CIMAP1D: variants seen among roughly 807,000 people sequenced by gnomAD.
CIMAP1D encodes protein CIMAP1D.
chr19:472,539 G>C, the CIMAP1D span: 1 of 1,417,680 alleles, frequency 7.1e-7, no homozygotes, highest in Non-Finnish European at 9.6e-7. Flanking sequence ...CCTGGGCCCA[G>C]ATTCCCCGAA....
chr19:485,478 C>T, the CIMAP1D span, among the ~76,000 whole-genome samples: 3 of 152,206 alleles, frequency 2.0e-5, no homozygotes, highest in Non-Finnish European at 2.9e-5. Flanking sequence ...CAAGTCCCAC[C>T]GTTCTTTTCT....
chr19:488,147 G>A, the CIMAP1D span, among the ~76,000 whole-genome samples: 2 of 151,996 alleles, frequency 1.3e-5, no homozygotes, highest in African/African-American at 2.4e-5. Context: ...GGCCCCGGCC[G>A]AATAAACCGC....
At chr19:475,806 C>G in the CIMAP1D span, among the ~76,000 whole-genome samples, 1 of 149,636 alleles carries the variant, frequency 6.7e-6, no homozygotes, top group Non-Finnish European at 1.5e-5. Flanking sequence ...CAGAGTCTCA[C>G]TCTGTCACCC....
the CIMAP1D span, among the ~76,000 whole-genome samples, chr19:468,469 G>A: frequency 1.3e-5 from 2 of 152,304 alleles, no homozygotes; most frequent in South Asian, 2.1e-4. Flanking sequence ...GGGGCTCGGC[G>A]TTGGACCACG....
the CIMAP1D span, among the ~76,000 whole-genome samples, chr19:474,384 G>C: frequency 6.6e-6 from 1 of 152,244 alleles, no homozygotes; most frequent in Non-Finnish European, 1.5e-5. Flanking sequence ...ACAGCCCCTG[G>C]AAGGGGACCC....
the CIMAP1D span, among the ~76,000 whole-genome samples, chr19:488,991 C>A: frequency 1.2e-4 from 18 of 152,062 alleles, no homozygotes; most frequent in Non-Finnish European, 2.9e-5. Flanking sequence ...CAGCCCGCCA[C>A]GAACTCGGAG....
At chr19:467,070 T>G in the CIMAP1D span, among the ~76,000 whole-genome samples, 9 of 50,872 alleles carry the variant, frequency 1.8e-4, no homozygotes, top group Admixed American at 2.5e-4. Context: ...GGTGGGTGGG[T>G]GGGTGGATGG....
chr19:472,426 G>T, the CIMAP1D span: 1 of 1,545,404 alleles, frequency 6.5e-7, no homozygotes, highest in South Asian at 1.2e-5. Context: ...CGAGTAGGCG[G>T]GACTGGCCAC....
the CIMAP1D span, among the ~76,000 whole-genome samples, chr19:481,605 C>T: frequency 6.8e-6 from 1 of 146,066 alleles, no homozygotes; most frequent in African/African-American, 2.6e-5. Flanking sequence ...ATGGGAAGGA[C>T]AATGGGAGGA....
At chr19:480,274 G>A in the CIMAP1D span, among the ~76,000 whole-genome samples, 2 of 152,246 alleles carry the variant, frequency 1.3e-5, no homozygotes, top group South Asian at 2.1e-4. Context: ...CCGATGCGGC[G>A]GGTCCTGCAC....
At chr19:478,808 T>A in the CIMAP1D span, among the ~76,000 whole-genome samples, 1 of 152,244 alleles carries the variant, frequency 6.6e-6, no homozygotes, top group African/African-American at 2.4e-5. Flanking sequence ...GGCCTGGGTG[T>A]CCTGGGTGGG....
chr19:469,432 G>A, the CIMAP1D span, among the ~76,000 whole-genome samples: 2 of 152,144 alleles, frequency 1.3e-5, no homozygotes, highest in African/African-American at 2.4e-5. Flanking sequence ...GCTCACGCCT[G>A]TCATCCCAGC....
the CIMAP1D span, chr19:467,909 C>A: frequency 8.3e-4 from 494 of 598,042 alleles, 3 homozygotes; most frequent in East Asian, 0.014. Context: ...ACCCCAGGGG[C>A]CCTGAGTTGT....
chr19:467,170 G>A, the CIMAP1D span, among the ~76,000 whole-genome samples: 10 of 143,236 alleles, frequency 7.0e-5, no homozygotes, highest in Non-Finnish European at 1.1e-4. Context: ...GTGGGTGGGT[G>A]GATGGATGAA....
At chr19:484,951 G>A in the CIMAP1D span, among the ~76,000 whole-genome samples, 258 of 152,264 alleles carry the variant, frequency 1.7e-3, 1 homozygote, top group African/African-American at 5.8e-3. Flanking sequence ...CGGGGGAGGC[G>A]AGCACACCAG....
chr19:474,454 C>T, the CIMAP1D span, among the ~76,000 whole-genome samples: 51 of 151,496 alleles, frequency 3.4e-4, no homozygotes, highest in East Asian at 3.9e-4. Context: ...ACGGCAACCC[C>T]GTGTCCACAC....
At chr19:469,501 C>A in the CIMAP1D span, among the ~76,000 whole-genome samples, 1 of 152,060 alleles carries the variant, frequency 6.6e-6, no homozygotes, top group Admixed American at 6.6e-5. Context: ...ACCAGCCTGG[C>A]CAATATGGTG....
chr19:472,164 C>T, the CIMAP1D span, among the ~76,000 whole-genome samples: 10 of 152,292 alleles, frequency 6.6e-5, no homozygotes, highest in South Asian at 1.9e-3. Flanking sequence ...CTCCTTACTG[C>T]GCTCTTTCTC....
At chr19:476,068 G>A in the CIMAP1D span, among the ~76,000 whole-genome samples, 6 of 130,038 alleles carry the variant, frequency 4.6e-5, no homozygotes, top group African/African-American at 1.2e-4. Context: ...GCGCGATCTC[G>A]GCTCACTGGA....
Sources: allele counts gnomAD v4.1 joint callset (sites outside exome capture counted in the v4.1 genomes callset), GRCh38; gene constraint gnomAD v4.1.1; transcripts MANE v1.5; gene names NCBI Gene and HGNC (gene_info 2026-07-23, HGNC 2026-07-21).